MPRIP: variants seen among roughly 807,000 people sequenced by gnomAD.
MPRIP encodes the protein myosin phosphatase Rho-interacting protein.
Under a neutral mutation model 234.9 loss-of-function variants are expected in MPRIP, and 59 were observed. The observed-to-expected ratio is 0.25, with a 90% CI of 0.20 to 0.31. MPRIP has a LOEUF of 0.31. Among genes scored for constraint, MPRIP ranks in the 10% least tolerant of loss-of-function variants. The pLI is 1.00. For missense variants in MPRIP, 2,436 were observed against 3,071.0 expected (o/e 0.79, Z 4.89); for synonymous variants, 1,144 against 1,263.9 (o/e 0.91, Z 2.01).
At position 17,174,037 on chromosome 17, in the gene MPRIP, T is replaced by C. The variant is rs779169515; in HGVS notation, c.6712T>C (p.Cys2238Arg). 5.6e-6 allele frequency: 9 copies of C among 1,613,374 alleles called. No individual in the cohort carries two copies. Among genetic ancestry groups the C allele is most frequent in the Non-Finnish European group, 7.6e-6 (9 of 1,179,998 alleles). ...GGCCGAGCGGCAGGCCCTGCGGCAG[T>C]GCCAGCGTGAGAACCAGGAGCTCAA... The part of the protein sequence containing the change: ...LEAERQALRQ[C>R]QRENQELNAH... Residue 2238 changes from cysteine (C) to arginine (R), a missense_variant, in exon 19 of 24, where the codon TGC becomes CGC. Cys to Arg is a radical substitution (Grantham distance 180, BLOSUM62 -3). This residue lies in a region of MPRIP where 1,998 missense variants were observed against 2,520.3 expected (regional missense o/e 0.79). Transcript: ENST00000651222.
intron 12 of MPRIP, among the ~76,000 whole-genome samples, chr17:17,153,110 C>G (rs573963541): frequency 3.3e-5 from 5 of 152,286 alleles, no homozygotes; most frequent in African/African-American, 1.2e-4. Context: ...GGTACCCCCC[C>G]AACTCAGCTC....
chr17:17,081,545 G>A (rs995328443), intron 3 of MPRIP, among the ~76,000 whole-genome samples: 6 of 152,240 alleles, frequency 3.9e-5, no homozygotes, highest in Non-Finnish European at 7.3e-5. Flanking sequence ...AACTGGGATG[G>A]GGAAAATTCG....
chr17:17,169,098 A>G, intron 16 of MPRIP: 1 of 430,832 alleles, frequency 2.3e-6, no homozygotes. Flanking sequence ...CTTTCCCCAA[A>G]TCAGTCAAAA....
chr17:17,176,599 G>A lies in MPRIP; in HGVS notation c.6957+87G>A, dbSNP rs566848330. On this transcript the variant is annotated intron_variant, in intron 21 of 23. Transcript: ENST00000651222. Reference sequence around the variant, plus strand: ...CTGAACTCAGGCTGGTGCTCAGCGCGGGCTCTTCTGAAGCAGATTTTACTC... The same window carrying A: ...CTGAACTCAGGCTGGTGCTCAGCGCAGGCTCTTCTGAAGCAGATTTTACTC... 6.1e-5 allele frequency: 64 copies of A among 1,042,540 alleles called. 1 individual carries two copies. The highest frequency in any genetic ancestry group is 4.3e-4 in the Middle Eastern group (2 of 4,698). The allele number at this position is 1,042,540 out of a possible 1,614,324, so 64.6% of individuals were successfully genotyped here.
intron 1 of MPRIP, among the ~76,000 whole-genome samples, chr17:17,063,078 C>T (rs1446440755): frequency 3.3e-5 from 5 of 152,228 alleles, no homozygotes; most frequent in Non-Finnish European, 7.3e-5. Context: ...CAGTGCTGAT[C>T]GTCCCTCACT....
At chr17:17,065,669 A>G (rs1439512328) in intron 1 of MPRIP, among the ~76,000 whole-genome samples, 2 of 152,092 alleles carry the variant, frequency 1.3e-5, no homozygotes, top group Non-Finnish European at 2.9e-5. Context: ...CTTTCCATGT[A>G]AATTTTAGAA....
In MPRIP at chr17:17,166,476, G is replaced by C. The variant is rs940080858; in HGVS notation, c.4885G>C (p.Val1629Leu). 1.5e-6 allele frequency: 2 copies of C among 1,304,224 alleles called. No individual in the cohort carries two copies. The highest frequency in any genetic ancestry group is 3.0e-5 in the African/African-American group (2 of 65,884). The allele number at this position is 1,304,224 out of a possible 1,614,324, so 80.8% of individuals were successfully genotyped here. The change falls in exon 16 of 24, where the codon GTT becomes CTT. Residue 1629 changes from valine to leucine, a missense_variant. Around this residue, in one of 4 missense-constraint regions of MPRIP, gnomAD observed 1,998 missense variants for 2,520.3 expected, o/e 0.79. Coordinates refer to ENST00000651222, the MANE Select transcript of MPRIP (RefSeq NM_001364716.4). This position sits in a 1 kb window ranked among gnomAD's most constrained non-coding sequence, Gnocchi z 4.4. ...VLVDGEFWSQ[V>L]ESLRKHLGTL... ...AGTGGATGGTGAGTTCTGGAGCCAG[G>C]TTGAGTCTCTGAGGAAGCACTTGGG...
intron 19 of MPRIP, among the ~76,000 whole-genome samples, 198 bp from the exon 20 acceptor site, chr17:17,175,095 G>A (rs1023474455): frequency 5.3e-5 from 8 of 152,230 alleles, no homozygotes; most frequent in African/African-American, 1.7e-4. Flanking sequence ...TACCCCACAG[G>A]AGCTCAGATG....
intron 12 of MPRIP, among the ~76,000 whole-genome samples, chr17:17,152,569 G>A: frequency 6.6e-6 from 1 of 152,226 alleles, no homozygotes; most frequent in South Asian, 2.1e-4. Flanking sequence ...TCAAGGCTCA[G>A]CAGGAGGGAT....
chr17:17,163,283 G>C (rs2045911059), intron 15 of MPRIP, among the ~76,000 whole-genome samples: 1 of 152,162 alleles, frequency 6.6e-6, no homozygotes, highest in African/African-American at 2.4e-5. Flanking sequence ...GGAGCCATAG[G>C]CAGGCCAGAT....
In MPRIP at chr17:17,138,102, A is replaced by C; in HGVS notation, c.923A>C (p.Gln308Pro). The change falls in exon 7 of 24, where the codon CAG (glutamine) becomes CCG (proline). Residue 308 changes from glutamine (Q) to proline (P), a missense_variant. This residue lies in a region of MPRIP where 267 missense variants were observed against 252.7 expected (regional missense o/e 1.06). Transcript: ENST00000651222. This position sits in a 1 kb window ranked among gnomAD's most constrained non-coding sequence, Gnocchi z 5.8. ...HRYSCPESPS[Q>P]ELGGPLPSPG... ...TACAGTTGCCCCGAGTCGCCCTCCC[A>C]GGAGCTCGGTGGTCCTCTTCCTTCC... 1 of 1,514,938 alleles carries C rather than the reference A, an allele frequency of 6.6e-7. No homozygotes were observed. 93.8% of individuals were successfully genotyped at this position (1,514,938 alleles called of 1,614,324 possible).
At chr17:17,074,754 G>A (rs2144033887) in intron 1 of MPRIP, among the ~76,000 whole-genome samples, 1 of 152,236 alleles carries the variant, frequency 6.6e-6, no homozygotes, top group Non-Finnish European at 1.5e-5. Flanking sequence ...TTTTGTGCCT[G>A]GCTTCTTTGA....
chr17:17,069,140 A>G (rs1259991222), intron 1 of MPRIP, among the ~76,000 whole-genome samples: 1 of 152,182 alleles, frequency 6.6e-6, no homozygotes, highest in Non-Finnish European at 1.5e-5. Context: ...ATTTAGGCTC[A>G]CTATGTCTCA....
At chr17:17,064,079 G>A (rs1040643899) in intron 1 of MPRIP, among the ~76,000 whole-genome samples, 6 of 152,222 alleles carry the variant, frequency 3.9e-5, no homozygotes, top group African/African-American at 7.2e-5. Flanking sequence ...GAGCATACGC[G>A]GTGCAGCTCA....
At chr17:17,099,200 C>T (rs2089910366) in intron 3 of MPRIP, among the ~76,000 whole-genome samples, 1 of 152,190 alleles carries the variant, frequency 6.6e-6, no homozygotes, top group Admixed American at 6.5e-5. Context: ...CCTCCCTCCT[C>T]CCTGGACACA....
rs1183556472 is a variant in MPRIP, at chr17:17,191,001, G to A, written c.*6107G>A. The A allele has an allele frequency of 6.6e-6, 1 of 152,140 alleles. No homozygotes were observed. Among genetic ancestry groups the A allele is most frequent in the Non-Finnish European group, 1.5e-5 (1 of 68,030 alleles). 9.4% of individuals were successfully genotyped at this position (152,140 alleles called of 1,614,324 possible). ...TCTTAGACACCCCTTTTTAAGATGGGGAGAACAGGGTTGACTGCACCGTTG... is the reference window on the plus strand; with the variant it reads ...TCTTAGACACCCCTTTTTAAGATGGAGAGAACAGGGTTGACTGCACCGTTG... On this transcript the variant is annotated 3_prime_UTR_variant, in exon 24 of 24. Transcript: ENST00000651222.
intron 3 of MPRIP, among the ~76,000 whole-genome samples, chr17:17,102,226 C>G (rs2089977081): frequency 1.3e-5 from 2 of 152,090 alleles, no homozygotes; most frequent in African/African-American, 4.8e-5. Flanking sequence ...GTCTGCGTTA[C>G]CCATAGTCAA....
intron 13 of MPRIP, among the ~76,000 whole-genome samples, chr17:17,158,162 A>G (rs1485443055): frequency 6.6e-6 from 1 of 152,136 alleles, no homozygotes; most frequent in East Asian, 1.9e-4. Flanking sequence ...ATTATGTGGG[A>G]AACCTCAGCT....
At chr17:17,100,392 A>G (rs1277218515) in intron 3 of MPRIP, among the ~76,000 whole-genome samples, 1 of 152,126 alleles carries the variant, frequency 6.6e-6, no homozygotes, top group Non-Finnish European at 1.5e-5. Flanking sequence ...AAATTGGATT[A>G]GTCTGTCTTC....
Sources: gnomAD v4.1 joint callset for allele counts (sites outside exome capture counted in the v4.1 genomes callset) on GRCh38, gnomAD v4.1.1 for gene constraint, gnomAD v4.1.1 regional missense constraint, Gnocchi (gnomAD v3.1) non-coding constraint, MANE v1.5 for transcripts, NCBI Gene and HGNC (gene_info 2026-07-23, HGNC 2026-07-21) for gene names.